Variants in CNTFR observed in about 807,000 individuals in gnomAD.
CNTFR encodes ciliary neurotrophic factor receptor.
A neutral mutation model predicts 40.4 loss-of-function variants in CNTFR; 12 were observed. The ratio of observed to expected loss-of-function variants is 0.30; its 90% CI spans 0.19 to 0.48. The LOEUF (loss-of-function observed/expected upper bound fraction) is 0.48. Ranked by LOEUF, CNTFR falls within the 20% of genes least tolerant of loss-of-function variation. CNTFR has a pLI of 0.99. For missense variants in CNTFR, 414 were observed against 506.8 expected, an observed-to-expected ratio of 0.82 and a Z score of 1.76; for synonymous variants, 202 against 209.6, an observed-to-expected ratio of 0.96 and a Z score of 0.31.
In CNTFR at chr9:34,552,535, C is replaced by T; in HGVS notation, c.949+139G>A. 1 of 1,058,574 alleles carries T rather than the reference C, an allele frequency of 9.4e-7. No individual in the cohort carries two copies. Among genetic ancestry groups the T allele is most frequent in the East Asian group, 2.6e-5 (1 of 38,492 alleles). The allele number at this position is 1,058,574 out of a possible 1,614,324, so 65.6% of individuals were successfully genotyped here. The stretch of plus-strand genomic sequence containing the variant: ...TCCAGATAGCAAGGACCAGGAATGG[C>T]AGGAGTTGGACAGACAGGCAGAAGT... On this transcript the variant is annotated intron_variant, in intron 8 of 9. Transcript: ENST00000378980. This position sits in a 1 kb window ranked among gnomAD's most constrained non-coding sequence, Gnocchi z 5.1.
At chr9:34,584,221 C>G (rs1374606275) in intron 1 of CNTFR, among the ~76,000 whole-genome samples, 1 of 152,194 alleles carries the variant, frequency 6.6e-6, no homozygotes, top group Admixed American at 6.5e-5. Flanking sequence ...GAAGGAAATT[C>G]TCTGCAGTTA....
At chr9:34,571,559 CAT>C (rs1243064435) in intron 2 of CNTFR, 2 of 117,744 alleles carry the variant, frequency 1.7e-5, no homozygotes, top group African/African-American at 6.7e-5. Flanking sequence ...CACGCGTGCG[CAT>C]ACACACACAC....
chr9:34,576,269 G>A (rs139307984), intron 2 of CNTFR, among the ~76,000 whole-genome samples: 18 of 152,290 alleles, frequency 1.2e-4, no homozygotes, highest in African/African-American at 4.1e-4. Flanking sequence ...TGGTGTGCGT[G>A]CACACATTAC....
intron 3 of CNTFR, among the ~76,000 whole-genome samples, chr9:34,567,538 G>A (rs769980074): frequency 6.6e-6 from 1 of 152,106 alleles, no homozygotes; most frequent in Non-Finnish European, 1.5e-5. Context: ...GGTAACACCT[G>A]ATACGAGATC....
At chr9:34,577,875 G>A (rs1052873860) in intron 2 of CNTFR, among the ~76,000 whole-genome samples, 1 of 151,942 alleles carries the variant, frequency 6.6e-6, no homozygotes, top group Non-Finnish European at 1.5e-5. Flanking sequence ...GGAGCGCGCC[G>A]AGCAGCCGCG....
At chr9:34,581,697 A>G (rs940701699) in intron 1 of CNTFR, among the ~76,000 whole-genome samples, 3 of 152,160 alleles carry the variant, frequency 2.0e-5, no homozygotes, top group Non-Finnish European at 4.4e-5. Context: ...TGATTTCTCC[A>G]TGAGGTAGGT....
intron 2 of CNTFR, among the ~76,000 whole-genome samples, chr9:34,575,445 G>A (rs1013485350): frequency 6.6e-6 from 1 of 152,158 alleles, no homozygotes. Context: ...GGTGGGGTAA[G>A]GAAAGGCCCG....
intron 4 of CNTFR, among the ~76,000 whole-genome samples, chr9:34,560,404 G>A (rs1259264778): frequency 6.6e-6 from 1 of 152,212 alleles, no homozygotes; most frequent in Non-Finnish European, 1.5e-5. Flanking sequence ...GTGACTCAGG[G>A]TGAGGCTGTT....
intron 1 of CNTFR, among the ~76,000 whole-genome samples, chr9:34,585,606 TCTCTTTGCC>T (rs1018792444): frequency 1.2e-4 from 19 of 152,188 alleles, no homozygotes; most frequent in East Asian, 9.6e-4. Context: ...GCTTTGGGAC[TCTCTTTGCC>T]CTCTGCAGAG....
intron 1 of CNTFR, among the ~76,000 whole-genome samples, chr9:34,588,798 C>T (rs889208192): frequency 2.0e-5 from 3 of 152,130 alleles, no homozygotes; most frequent in African/African-American, 7.2e-5. Context: ...CTGGTGACCT[C>T]CCCACGGCCC....
intron 1 of CNTFR, among the ~76,000 whole-genome samples, chr9:34,585,687 C>G (rs1269479694): frequency 6.6e-6 from 1 of 152,172 alleles, no homozygotes; most frequent in Non-Finnish European, 1.5e-5. Context: ...TTCCCAGCCC[C>G]TCCCCACAGG....
intron 1 of CNTFR, among the ~76,000 whole-genome samples, chr9:34,583,727 A>C (rs1376549642): frequency 2.0e-5 from 3 of 151,946 alleles, no homozygotes; most frequent in Non-Finnish European, 4.4e-5. Flanking sequence ...CCCAGCCCCC[A>C]ATATTGATTC....
At chr9:34,558,262 A>G (rs1222052751) in intron 4 of CNTFR, among the ~76,000 whole-genome samples, 2 of 152,196 alleles carry the variant, frequency 1.3e-5, no homozygotes, top group Non-Finnish European at 2.9e-5. Context: ...TGCGGGCCTC[A>G]ACTCATCAAT....
chr9:34,582,502 T>C (rs1827355960), intron 1 of CNTFR: 1 of 152,002 alleles, frequency 6.6e-6, no homozygotes, highest in Admixed American at 6.5e-5. Context: ...CCCCAGGAGA[T>C]CCTCAGGGTC....
At chr9:34,577,220 C>T (rs1054642022) in intron 2 of CNTFR, among the ~76,000 whole-genome samples, 3 of 152,380 alleles carry the variant, frequency 2.0e-5, no homozygotes, top group Middle Eastern at 3.4e-3. Context: ...CAGGAAAGAT[C>T]GGCAATGCTG....
chr9:34,575,608 A>C (rs966632870), intron 2 of CNTFR, among the ~76,000 whole-genome samples: 2 of 151,960 alleles, frequency 1.3e-5, no homozygotes, highest in Non-Finnish European at 2.9e-5. Context: ...CATCACTGCT[A>C]TGGTGCAGAC....
rs766605161 is a variant in CNTFR, at chr9:34,556,361, C to G, written c.662G>C (p.Arg221Pro). 2 of 1,613,908 alleles carry G rather than the reference C, an allele frequency of 1.2e-6. No homozygotes were observed. Among genetic ancestry groups the G allele is most frequent in the Non-Finnish European group, 1.7e-6 (2 of 1,179,960 alleles). ...VARPVPSNPR[R>P]LEVTWQTPST... ...GGGGGTCTGCCACGTCACCTCCAGC[C>G]GGCGAGGGTTGCTGGGCACTGGCCG... Residue 221 changes from arginine (R) to proline (P), a missense_variant, in exon 7 of 10, where the codon CGG becomes CCG. By Grantham distance (103) the Arg-to-Pro change is moderately radical. Transcript: ENST00000378980.
chr9:34,557,678 A>G lies in CNTFR; in HGVS notation c.452T>C (p.Ile151Thr). The change falls in exon 6 of 10, where the codon ATT becomes ACT. Residue 151 changes from isoleucine (I) to threonine (T), a missense_variant. This residue lies in a region of CNTFR where 250 missense variants were observed against 269.5 expected (regional missense o/e 0.93). Coordinates refer to ENST00000378980, the MANE Select transcript of CNTFR (RefSeq NM_147164.3). The surrounding 1 kb of genome is among the most constrained non-coding windows in gnomAD (Gnocchi z 4.2). ...FNVTVLHGSK[I>T]MVCEKDPALK... ...GGCTGGGTCCTTCTCACAGACCATAATTTTGGAGCCATGCCTGGGGAGAGG... is the reference window on the plus strand; with the variant it reads ...GGCTGGGTCCTTCTCACAGACCATAGTTTTGGAGCCATGCCTGGGGAGAGG... 6.2e-7 allele frequency: 1 copy of G among 1,614,120 alleles called. No homozygotes were observed. Among genetic ancestry groups the G allele is most frequent in the South Asian group, 1.1e-5 (1 of 91,082 alleles).
intron 7 of CNTFR, among the ~76,000 whole-genome samples, chr9:34,554,893 G>C (rs28559999): frequency 0.024 from 3,606 of 152,300 alleles, 153 homozygotes; most frequent in African/African-American, 0.083. Context: ...CACAGAATGG[G>C]GCTAGGATGC....
Sources: allele counts gnomAD v4.1 joint callset (sites outside exome capture counted in the v4.1 genomes callset), GRCh38; gene constraint gnomAD v4.1.1; regional missense constraint gnomAD v4.1.1; non-coding constraint Gnocchi (gnomAD v3.1); transcripts MANE v1.5; gene names NCBI Gene and HGNC (gene_info 2026-07-23, HGNC 2026-07-21).